Variants in RDX observed in about 807,000 individuals in gnomAD.
RDX encodes radixin.
Under a neutral mutation model 83.7 loss-of-function variants are expected in RDX, and 32 were observed. The observed-to-expected ratio is 0.38, with a 90% CI of 0.29 to 0.51. RDX has a LOEUF of 0.51. RDX is among the 20% of genes least tolerant of loss of function. The pLI, the probability that RDX is intolerant of heterozygous loss-of-function variation, is 0.87. For synonymous variants in RDX, 229 were observed against 222.7 expected (o/e 1.03, Z -0.25); for missense variants, 600 against 689.9 (o/e 0.87, Z 1.46).
chr11:110,271,980 ATTAT>A, intron 3 of RDX, among the ~76,000 whole-genome samples: 1 of 152,376 alleles, frequency 6.6e-6, no homozygotes, highest in Admixed American at 6.5e-5. Flanking sequence ...TATGCATAAA[ATTAT>A]TTAAAGGATT....
At chr11:110,275,698 G>A (rs1428640735) in intron 2 of RDX, among the ~76,000 whole-genome samples, 1 of 150,934 alleles carries the variant, frequency 6.6e-6, no homozygotes, top group Non-Finnish European at 1.5e-5. Flanking sequence ...TTTCTCCATA[G>A]TGTCCTTTAT....
chr11:110,224,251 TC>T (rs1244009981), intron 14 of RDX, among the ~76,000 whole-genome samples: 3 of 151,826 alleles, frequency 2.0e-5, no homozygotes, highest in African/African-American at 7.3e-5. Context: ...ACAAAACCCT[TC>T]GAATTTCTTC....
chr11:110,223,554 G>T (rs1314663280), intron 14 of RDX, among the ~76,000 whole-genome samples: 1 of 151,898 alleles, frequency 6.6e-6, no homozygotes, highest in African/African-American at 2.4e-5. Flanking sequence ...TAAAGTTCCT[G>T]AGAAGAAACC....
At chr11:110,268,974 T>A (rs994340864) in intron 3 of RDX, among the ~76,000 whole-genome samples, 1 of 149,510 alleles carries the variant, frequency 6.7e-6, no homozygotes, top group African/African-American at 2.4e-5. Context: ...TATATACATA[T>A]ATATATATTT....
chr11:110,235,561 T>C (rs1401792642), intron 12 of RDX, among the ~76,000 whole-genome samples: 1 of 152,192 alleles, frequency 6.6e-6, no homozygotes, highest in African/African-American at 2.4e-5. Flanking sequence ...CAATCCTGTT[T>C]TGAAATCTTC....
chr11:110,204,652 G>A (rs536362593), intron 14 of RDX, among the ~76,000 whole-genome samples: 66 of 151,716 alleles, frequency 4.4e-4, no homozygotes, highest in Non-Finnish European at 6.8e-4. Flanking sequence ...GAGTAGCTGC[G>A]ATTACAGGCA....
In RDX at chr11:110,238,381, AAG is replaced by A. The variant is rs201669817; in HGVS notation, c.1091-731_1091-730del. On this transcript the variant is annotated intron_variant, in intron 10 of 13. Transcript: ENST00000645495. ...GAACAGGAAAGGAAAATAAATTTTT[AAG>A]AGAGTTTAACAGTACTAACTTTAAA... Among the ~76,000 whole-genome samples the A allele has an allele frequency of 6.3e-3, 963 of 152,320 alleles. 10 individuals are homozygous for A. The highest frequency in any genetic ancestry group is 0.021 in the African/African-American group (868 of 41,572).
At chr11:110,275,937 A>C (rs1162530405) in intron 2 of RDX, among the ~76,000 whole-genome samples, 1 of 151,846 alleles carries the variant, frequency 6.6e-6, no homozygotes, top group Non-Finnish European at 1.5e-5. Flanking sequence ...GGCATGCACC[A>C]CCATGCCTGA....
intron 1 of RDX, among the ~76,000 whole-genome samples, chr11:110,284,770 G>A (rs1197881002): frequency 2.6e-5 from 4 of 151,922 alleles, no homozygotes; most frequent in Admixed American, 2.6e-4. Context: ...TGATCCACCC[G>A]CCTCGGCCTC....
At chr11:110,259,320 C>T (rs753231834) in intron 5 of RDX, among the ~76,000 whole-genome samples, 2 of 152,212 alleles carry the variant, frequency 1.3e-5, no homozygotes, top group African/African-American at 4.8e-5. Context: ...CTACTATGCA[C>T]ACTACAGTTT....
chr11:110,231,823 G>A lies in RDX; in HGVS notation c.*46C>T. 6.2e-7 allele frequency: 1 copy of A among 1,606,758 alleles called. No homozygotes were observed. The highest frequency in any genetic ancestry group is 8.5e-7 in the Non-Finnish European group (1 of 1,176,578). ...TATCTGCAAAGGCCTGCTTTTCTCT[G>A]TTGGTGGTTCAGCTTATGAAGAACA... On this transcript the variant is annotated 3_prime_UTR_variant, in exon 14 of 14. Coordinates refer to ENST00000645495, the MANE Select transcript of RDX (RefSeq NM_002906.4).
At chr11:110,197,704 A>G (rs1442375253) in intron 15 of RDX, among the ~76,000 whole-genome samples, 1 of 152,242 alleles carries the variant, frequency 6.6e-6, no homozygotes, top group Non-Finnish European at 1.5e-5. Flanking sequence ...AAAGAGTTAC[A>G]TGAATGAATT....
intron 12 of RDX, 87 bp from the exon 13 acceptor site, chr11:110,233,566 CTG>C (rs1864727370): frequency 7.1e-7 from 1 of 1,409,722 alleles, no homozygotes; most frequent in Non-Finnish European, 9.8e-7. Flanking sequence ...TTAATAGAAA[CTG>C]TATTTCAAGG....
At chr11:110,190,613 T>C (rs564722626) in intron 15 of RDX, among the ~76,000 whole-genome samples, 140 of 152,212 alleles carry the variant, frequency 9.2e-4, no homozygotes, top group Non-Finnish European at 8.7e-4. Context: ...AGAACTGACA[T>C]TGAGGCCCAA....
rs1327254539 is a variant in RDX, at chr11:110,233,281, C to T, written c.1543G>A (p.Val515Ile). ...CGCTCATTTTTCTGTGTTTCGGTTA[C>T]ACGTTCTTCCTCGCTTCTATGGTTC... Reference protein sequence around the residue: ...VMNHRSEEERVTETQKNERVK... With the variant: ...VMNHRSEEERITETQKNERVK... Residue 515 changes from valine to isoleucine, a missense_variant, in exon 13 of 14, where the codon GTA becomes ATA. Coordinates refer to ENST00000645495, the MANE Select transcript of RDX (RefSeq NM_002906.4). The T allele has an allele frequency of 1.9e-6, 3 of 1,613,802 alleles. No individual in the cohort carries two copies. The Admixed American group carries it at 5.0e-5, about 27-fold the overall frequency.
downstream of RDX, among the ~76,000 whole-genome samples, chr11:110,224,769 C>T (rs1481321361): frequency 6.6e-6 from 1 of 152,192 alleles, no homozygotes; most frequent in Non-Finnish European, 1.5e-5. Flanking sequence ...TACACTTAGA[C>T]ATTTCCTTTA....
At chr11:110,289,335 A>C (rs1861118499) in intron 1 of RDX, among the ~76,000 whole-genome samples, 1 of 152,166 alleles carries the variant, frequency 6.6e-6, no homozygotes, top group Non-Finnish European at 1.5e-5. Context: ...ATTTCAATTA[A>C]GTTGACAATC....
chr11:110,216,386 T>G (rs990299401), intron 14 of RDX, among the ~76,000 whole-genome samples: 2 of 151,866 alleles, frequency 1.3e-5, no homozygotes, highest in Non-Finnish European at 2.9e-5. Flanking sequence ...AATTTTTTTT[T>G]TTTTGAAACA....
chr11:110,232,995 G>C (rs1345413767), intron 13 of RDX, among the ~76,000 whole-genome samples: 6 of 152,114 alleles, frequency 3.9e-5, no homozygotes. Flanking sequence ...TTTTAAAATG[G>C]GTCAAGCTGT....
Sources: gnomAD v4.1 joint callset for allele counts (sites outside exome capture counted in the v4.1 genomes callset) on GRCh38, gnomAD v4.1.1 for gene constraint, MANE v1.5 for transcripts, NCBI Gene and HGNC (gene_info 2026-07-23, HGNC 2026-07-21) for gene names.